Variants in COL4A3 observed in about 807,000 individuals in gnomAD.
The protein encoded by COL4A3 is collagen type IV alpha 3 chain.
COL4A3 carries 135 observed loss-of-function variants against 217.4 expected under a neutral mutation model. The observed-to-expected ratio is 0.62, with a 90% CI of 0.54 to 0.72. The LOEUF (loss-of-function observed/expected upper bound fraction) is 0.72. COL4A3 is among the 30% of genes least tolerant of loss of function. The pLI is 0.00. For missense variants in COL4A3, 1,868 were observed against 2,119.9 expected (o/e 0.88, Z 2.33); for synonymous variants, 690 against 736.3 (o/e 0.94, Z 1.02).
chr2:227,302,167 C>T (rs2073313261), intron 43 of COL4A3, among the ~76,000 whole-genome samples: 1 of 152,150 alleles, frequency 6.6e-6, no homozygotes, highest in African/African-American at 2.4e-5. Flanking sequence ...AAGAGAGCAC[C>T]TCGTTCCTGC....
At chr2:227,224,639 C>G (rs2067989097) in intron 1 of COL4A3, among the ~76,000 whole-genome samples, 1 of 151,994 alleles carries the variant, frequency 6.6e-6, no homozygotes, top group Non-Finnish European at 1.5e-5. Flanking sequence ...CCTGTAATCC[C>G]AGCTAGTCAG....
chr2:227,200,450 C>G (rs9283540), intron 1 of COL4A3, among the ~76,000 whole-genome samples: 15,959 of 152,082 alleles, frequency 0.1, 1,085 homozygotes, highest in Admixed American at 0.15. Flanking sequence ...GGCCAGCCCA[C>G]ACAAATTTTC....
intron 1 of COL4A3, among the ~76,000 whole-genome samples, chr2:227,171,374 A>G (rs1023448686): frequency 6.6e-6 from 1 of 152,218 alleles, no homozygotes; most frequent in Non-Finnish European, 1.5e-5. Flanking sequence ...CAGGGTATAA[A>G]TGTAGCTAAC....
At chr2:227,211,736 C>A (rs2067330860) in intron 1 of COL4A3, among the ~76,000 whole-genome samples, 1 of 152,058 alleles carries the variant, frequency 6.6e-6, no homozygotes. Flanking sequence ...CGGCTCACTG[C>A]AACCTCCACC....
chr2:227,279,864 G>T lies in COL4A3; in HGVS notation c.2197G>T (p.Gly733Ter), dbSNP rs2071839316. ...AAAAATGGGAGAGCCTGGGTTACCTGGAAAGCCAGGCCTCCCAGGAGCCAA... is the reference window on the plus strand; with the variant it reads ...AAAAATGGGAGAGCCTGGGTTACCTTGAAAGCCAGGCCTCCCAGGAGCCAA... ...PGKMGEPGLP[G>*]KPGLPGAKGE... Residue 733 changes from glycine (G) to a stop codon, truncating the protein, a stop_gained, in exon 29 of 52, where the codon GGA (glycine) becomes TGA (stop). Coordinates refer to ENST00000396578, the MANE Select transcript of COL4A3 (RefSeq NM_000091.5). LOFTEE classifies it high-confidence loss of function. 1 of 1,608,070 alleles carries T rather than the reference G, an allele frequency of 6.2e-7. No homozygotes were observed. Among genetic ancestry groups the T allele is most frequent in the African/African-American group, 1.3e-5 (1 of 74,862 alleles).
intron 20 of COL4A3, among the ~76,000 whole-genome samples, chr2:227,261,419 C>G (rs55711929): frequency 2.0e-5 from 3 of 152,136 alleles, no homozygotes; most frequent in African/African-American, 7.2e-5. Flanking sequence ...TCCAGCTAGT[C>G]GGGAGGCTGA....
intron 47 of COL4A3, 49 bp downstream of exon 47, chr2:227,305,132 C>T: frequency 6.5e-7 from 1 of 1,535,124 alleles, no homozygotes; most frequent in Non-Finnish European, 9.0e-7. Context: ...TTTCGACATA[C>T]AGAGAAGTCT....
rs79112451 is a variant in COL4A3 at position 227,192,807 on chromosome 2, C to T, written c.87+27994C>T. On this transcript the variant is annotated intron_variant, in intron 1 of 51. Coordinates refer to ENST00000396578, the MANE Select transcript of COL4A3 (RefSeq NM_000091.5). The stretch of plus-strand genomic sequence containing the variant: ...AGTCAACCCAAATAAGAGTTTGGAA[C>T]AGTGTTTCTCAAACTTTCTATAGTG... 8.1e-3 allele frequency among the ~76,000 whole-genome samples: 1,234 copies of T among 152,202 alleles called. 14 individuals carry two copies. Among genetic ancestry groups the T allele is most frequent in the African/African-American group, 0.027 (1,114 of 41,520 alleles).
chr2:227,256,519 T>C (rs2070187032), intron 17 of COL4A3, 123 bp downstream of exon 17: 1 of 847,032 alleles, frequency 1.2e-6, no homozygotes, highest in African/African-American at 1.7e-5. Context: ...AATACCCTAC[T>C]AGGTCTGTTA....
At chr2:227,236,791 C>G (rs1318725719) in intron 1 of COL4A3, among the ~76,000 whole-genome samples, 1 of 151,904 alleles carries the variant, frequency 6.6e-6, no homozygotes, top group Admixed American at 6.6e-5. Flanking sequence ...TCTGGAGTAG[C>G]TGGAATTACA....
chr2:227,198,526 G>A (rs934945411), intron 1 of COL4A3, among the ~76,000 whole-genome samples: 5 of 152,100 alleles, frequency 3.3e-5, no homozygotes, highest in East Asian at 1.9e-4. Context: ...GGTTAGACAC[G>A]TTTTTAGACA....
At chr2:227,296,527 G>A in intron 41 of COL4A3, 1 of 978,742 alleles carries the variant, frequency 1.0e-6, no homozygotes, top group Non-Finnish European at 1.2e-6. Context: ...GACTTGGAAG[G>A]TATGAATCCT....
chr2:227,219,679 T>C (rs531441162), intron 1 of COL4A3, among the ~76,000 whole-genome samples: 1 of 152,334 alleles, frequency 6.6e-6, no homozygotes. Context: ...CCATAGTCTG[T>C]TTTTAGTGCT....
intron 31 of COL4A3, among the ~76,000 whole-genome samples, chr2:227,281,422 T>A (rs990053593): frequency 6.6e-6 from 1 of 152,192 alleles, no homozygotes; most frequent in Admixed American, 6.5e-5. Flanking sequence ...TAAAAACTTA[T>A]AAACTAAAAT....
Position 227,279,840 on chromosome 2 carries a change from A to G in COL4A3, c.2173A>G (p.Lys725Glu). ...GTKGSLGCPG[K>E]MGEPGLPGKP... Reference sequence around the variant, plus strand: ...AAAAGGATCACTGGGTTGTCCTGGAAAAATGGGAGAGCCTGGGTTACCTGG... The same window carrying G: ...AAAAGGATCACTGGGTTGTCCTGGAGAAATGGGAGAGCCTGGGTTACCTGG... Residue 725 changes from lysine (K) to glutamate (E), a missense_variant, in exon 29 of 52, where the codon AAA becomes GAA. Lys to Glu is a moderately conservative substitution (Grantham distance 56). Transcript: ENST00000396578. 1 of 1,610,828 alleles carries G rather than the reference A, an allele frequency of 6.2e-7. No individual in the cohort carries two copies. Among genetic ancestry groups the G allele is most frequent in the East Asian group, 2.2e-5 (1 of 44,862 alleles).
chr2:227,214,829 C>A (rs1230079721), intron 1 of COL4A3, among the ~76,000 whole-genome samples: 1 of 152,110 alleles, frequency 6.6e-6, no homozygotes, highest in African/African-American at 2.4e-5. Flanking sequence ...TTTTGAAGAG[C>A]CTTCTCATAA....
chr2:227,260,447 G>C (rs1467591170), intron 19 of COL4A3, among the ~76,000 whole-genome samples: 1 of 152,166 alleles, frequency 6.6e-6, no homozygotes, highest in African/African-American at 2.4e-5. Flanking sequence ...ATTGTCTGGA[G>C]GAGGGCTCTG....
In COL4A3 at chr2:227,282,495, AG is replaced by A. The variant is rs759043857; in HGVS notation, c.2621del (p.Gly874AspfsTer9). 7.7e-5 allele frequency: 125 copies of A among 1,613,714 alleles called. No homozygotes were observed. The highest frequency in any genetic ancestry group is 1.0e-4 in the Non-Finnish European group (120 of 1,179,960). On this transcript the variant is annotated frameshift_variant, in exon 32 of 52. Coordinates refer to ENST00000396578, the MANE Select transcript of COL4A3 (RefSeq NM_000091.5). LOFTEE classifies it high-confidence loss of function. The surrounding 1 kb of genome is among the most constrained non-coding windows in gnomAD (Gnocchi z 4.4). ...GTGAAATGGGACCACTGGGTCAAAG[AG>A]GATATCCAGGAAATCCGGGAATTTT... ...QGEMGPLGQR[G>X]YPGNPGILGP...
chr2:227,244,396 T>TA (rs753321600), intron 4 of COL4A3, 32 bp downstream of exon 4: 33 of 1,600,962 alleles, frequency 2.1e-5, no homozygotes, highest in Non-Finnish European at 2.8e-5. Flanking sequence ...CCCTGATCGT[T>TA]AAAAGATCAG....
Sources: gnomAD v4.1 joint callset for allele counts (sites outside exome capture counted in the v4.1 genomes callset) on GRCh38, gnomAD v4.1.1 for gene constraint, Gnocchi (gnomAD v3.1) non-coding constraint, MANE v1.5 for transcripts, NCBI Gene and HGNC (gene_info 2026-07-23, HGNC 2026-07-21) for gene names.